BAALC: variants seen among roughly 807,000 people sequenced by gnomAD.
BAALC encodes brain and acute leukemia cytoplasmic protein.
Under a neutral mutation model 15.5 loss-of-function variants are expected in BAALC, and 9 were observed. That is an observed-to-expected ratio of 0.58 (90% confidence interval 0.35 to 1.02). The LOEUF is 1.02. Among genes scored for constraint, BAALC ranks in the 50% least tolerant of loss-of-function variants. The pLI is 0.02. For synonymous variants in BAALC, 80 were observed against 74.6 expected, an observed-to-expected ratio of 1.07 and a Z score of -0.37; for missense variants, 201 against 192.4, an observed-to-expected ratio of 1.04 and a Z score of -0.27.
chr8:103,224,314 G>A lies in BAALC; in HGVS notation c.328-3675G>A, dbSNP rs895784422. On this transcript the variant is annotated intron_variant, in intron 2 of 2. Coordinates refer to ENST00000309982, the MANE Select transcript of BAALC (RefSeq NM_024812.3). ...AGAACATGTGCCCAAGGTGAGCGGG[G>A]CACAGCGCTTGGTTTTATATATTTT... 2.0e-5 allele frequency among the ~76,000 whole-genome samples: 3 copies of A among 150,910 alleles called. No homozygotes were observed. The East Asian group carries it at 5.8e-4, about 29-fold the overall frequency.
intron 1 of BAALC, among the ~76,000 whole-genome samples, chr8:103,161,680 T>C (rs1434417338): frequency 6.6e-6 from 1 of 152,198 alleles, no homozygotes; most frequent in Non-Finnish European, 1.5e-5. Flanking sequence ...GCAAATGTAA[T>C]TTTGCTAGAT....
intron 1 of BAALC, among the ~76,000 whole-genome samples, chr8:103,197,734 G>A (rs930108175): frequency 2.0e-5 from 3 of 152,074 alleles, no homozygotes; most frequent in Non-Finnish European, 4.4e-5. Context: ...CGTGTCACAG[G>A]GCAAGAGCGG....
chr8:103,163,205 G>T (rs117815058), intron 1 of BAALC, among the ~76,000 whole-genome samples: 4 of 151,746 alleles, frequency 2.6e-5, no homozygotes, highest in Non-Finnish European at 5.9e-5. Flanking sequence ...TCTCTGCCTC[G>T]TCCTCTTTTT....
At chr8:103,222,074 CT>C (rs1812688944) in intron 2 of BAALC, among the ~76,000 whole-genome samples, 1 of 152,142 alleles carries the variant, frequency 6.6e-6, no homozygotes, top group African/African-American at 2.4e-5. Context: ...TAAACATTTT[CT>C]GGTTGAGTTT....
intron 2 of BAALC, among the ~76,000 whole-genome samples, chr8:103,217,298 C>T (rs895065612): frequency 2.6e-5 from 4 of 152,188 alleles, no homozygotes; most frequent in East Asian, 1.9e-4. Context: ...CAAAGGCCAA[C>T]GCAAAGGTTT....
At chr8:103,163,838 ATCCT>A (rs1018954807) in intron 1 of BAALC, among the ~76,000 whole-genome samples, 1 of 151,954 alleles carries the variant, frequency 6.6e-6, no homozygotes. Context: ...CACACAGAAA[ATCCT>A]TCCTTCCTTC....
intron 1 of BAALC, among the ~76,000 whole-genome samples, chr8:103,145,484 G>T (rs1250701100): frequency 6.6e-6 from 1 of 152,184 alleles, no homozygotes; most frequent in Non-Finnish European, 1.5e-5. Flanking sequence ...TTGATACAAG[G>T]GACCTATGGC....
At chr8:103,181,643 T>C (rs1236494900) in intron 1 of BAALC, among the ~76,000 whole-genome samples, 1 of 152,178 alleles carries the variant, frequency 6.6e-6, no homozygotes, top group Non-Finnish European at 1.5e-5. Context: ...GTTTCTGTCT[T>C]AGTGTACATT....
chr8:103,158,483 G>T (rs957726912), intron 1 of BAALC, among the ~76,000 whole-genome samples: 1 of 151,822 alleles, frequency 6.6e-6, no homozygotes, highest in African/African-American at 2.4e-5. Context: ...AGCACTTTAG[G>T]GCTTTTCTTT....
intron 1 of BAALC, among the ~76,000 whole-genome samples, chr8:103,178,309 T>A (rs1236105238): frequency 1.3e-5 from 2 of 152,196 alleles, no homozygotes; most frequent in African/African-American, 2.4e-5. Flanking sequence ...CTGTTCTGTA[T>A]CTTGGTTGCA....
intron 1 of BAALC, among the ~76,000 whole-genome samples, chr8:103,196,910 CAGG>C (rs1255706918): frequency 6.6e-6 from 1 of 152,132 alleles, no homozygotes; most frequent in African/African-American, 2.4e-5. Flanking sequence ...GAGCTCCTGG[CAGG>C]AGAACATTTC....
intron 1 of BAALC, among the ~76,000 whole-genome samples, chr8:103,197,292 C>T (rs373136443): frequency 1.4e-3 from 210 of 152,092 alleles, no homozygotes; most frequent in African/African-American, 4.7e-3. Flanking sequence ...AGCAGCAGGA[C>T]CTCAGGCACT....
intron 1 of BAALC, among the ~76,000 whole-genome samples, chr8:103,175,968 C>A (rs1049497579): frequency 3.8e-4 from 58 of 152,302 alleles, no homozygotes; most frequent in African/African-American, 1.4e-3. Flanking sequence ...ATAAAAGAAG[C>A]TGCCCAAAGT....
chr8:103,219,197 A>G (rs1812626383), intron 2 of BAALC, among the ~76,000 whole-genome samples: 1 of 152,172 alleles, frequency 6.6e-6, no homozygotes, highest in Non-Finnish European at 1.5e-5. Flanking sequence ...GTATTCATGT[A>G]AGGGTCTGCA....
chr8:103,203,451 T>C (rs981246829), intron 1 of BAALC, among the ~76,000 whole-genome samples: 1 of 152,242 alleles, frequency 6.6e-6, no homozygotes, highest in Admixed American at 6.5e-5. Flanking sequence ...TCACATACCA[T>C]ACAATTGACC....
intron 1 of BAALC, among the ~76,000 whole-genome samples, chr8:103,142,456 T>C (rs1586366688): frequency 6.6e-6 from 1 of 152,308 alleles, no homozygotes; most frequent in Non-Finnish European, 1.5e-5. Context: ...CTGAATTCAG[T>C]GTCAGCATGA....
chr8:103,140,758 C>G lies in BAALC; in HGVS notation c.-140C>G. 1.4e-6 allele frequency: 1 copy of G among 699,776 alleles called. No homozygotes were observed. Among genetic ancestry groups the G allele is most frequent in the Non-Finnish European group, 1.9e-6 (1 of 529,172 alleles). 43.3% of individuals were successfully genotyped at this position (699,776 alleles called of 1,614,324 possible). A position where few individuals can be genotyped will look rare whatever the true frequency, so the allele number is the denominator to read the frequency against. On this transcript the variant is annotated 5_prime_UTR_variant, in exon 1 of 3. Transcript: ENST00000309982. This position sits in a 1 kb window ranked among gnomAD's most constrained non-coding sequence, Gnocchi z 4.2. Reference sequence around the variant, plus strand: ...GGCGGCGGGCACCGCAGGAGCTCCGCGCGGCTGCAGCGCGGGCGGGAGCGG... The same window carrying G: ...GGCGGCGGGCACCGCAGGAGCTCCGGGCGGCTGCAGCGCGGGCGGGAGCGG...
intron 1 of BAALC, chr8:103,198,155 C>A (rs1218965087): frequency 2.9e-6 from 2 of 701,198 alleles, no homozygotes; most frequent in Non-Finnish European, 5.2e-6. Context: ...GCATCCCAAC[C>A]ATTGATTTAA....
At chr8:103,147,417 G>C (rs578018815) in intron 1 of BAALC, among the ~76,000 whole-genome samples, 1 of 152,256 alleles carries the variant, frequency 6.6e-6, no homozygotes, top group Admixed American at 6.5e-5. Context: ...TAATTGGATT[G>C]TATGTAACTC....
Sources: allele counts gnomAD v4.1 joint callset (sites outside exome capture counted in the v4.1 genomes callset), GRCh38; gene constraint gnomAD v4.1.1; non-coding constraint Gnocchi (gnomAD v3.1); transcripts MANE v1.5; gene names NCBI Gene and HGNC (gene_info 2026-07-23, HGNC 2026-07-21).